CTIF: variants seen among roughly 807,000 people sequenced by gnomAD.
CTIF encodes cap binding complex dependent translation initiation factor.
CTIF carries 21 observed loss-of-function variants against 66.0 expected under a neutral mutation model. The observed-to-expected ratio is 0.32, with a 90% confidence interval of 0.23 to 0.46. The LOEUF is 0.46. Ranked by LOEUF, CTIF falls within the 20% of genes least tolerant of loss-of-function variation. The pLI is 1.00. For missense variants in CTIF, 739 were observed against 812.7 expected (o/e 0.91, Z 1.10); for synonymous variants, 345 against 326.4 (o/e 1.06, Z -0.62).
rs1555705172 is a variant in CTIF at position 48,846,497 on chromosome 18, AGATGGATGGATG to A, written c.1528-11059_1528-11048del. On this transcript the variant is annotated intron_variant, in intron 10 of 11. Transcript: ENST00000256413. ...TGGGTAGATAGATGGATGAAAGGATAGATGGATGGATGGATGGATGGATGGATGGATGGATGG... is the reference window on the plus strand; with the variant it reads ...TGGGTAGATAGATGGATGAAAGGATAGATGGATGGATGGATGGATGGATGG... Among the ~76,000 whole-genome samples the A allele has an allele frequency of 6.8e-3, 929 of 136,870 alleles. 44 individuals are homozygous for A. Among genetic ancestry groups the A allele is most frequent in the Admixed American group, 0.057 (824 of 14,366 alleles). 89.8% of individuals were successfully genotyped at this position (136,870 alleles called of 152,430 possible).
intron 3 of CTIF, among the ~76,000 whole-genome samples, chr18:48,656,862 C>A (rs768714860): frequency 6.6e-6 from 1 of 152,196 alleles, no homozygotes; most frequent in Non-Finnish European, 1.5e-5. Context: ...CAGAGGGAAG[C>A]TGTGGTTACC....
intron 4 of CTIF, 43 bp from the exon 5 acceptor site, chr18:48,664,404 G>C: frequency 6.5e-7 from 1 of 1,538,392 alleles, no homozygotes; most frequent in Admixed American, 1.7e-5. Flanking sequence ...TAACTGGGCT[G>C]TTGCCCTCTT....
chr18:48,695,685 T>C (rs2091996141), intron 6 of CTIF, among the ~76,000 whole-genome samples: 1 of 152,240 alleles, frequency 6.6e-6, no homozygotes, highest in Non-Finnish European at 1.5e-5. Context: ...TCAGAAACTT[T>C]TCACTCAGTG....
chr18:48,575,290 C>A (rs973768326), intron 1 of CTIF, among the ~76,000 whole-genome samples: 15 of 152,186 alleles, frequency 9.9e-5, no homozygotes, highest in African/African-American at 3.6e-4. Flanking sequence ...TGCTTTGCCC[C>A]CCGACAGCTG....
At chr18:48,656,051 G>C (rs561133019) in intron 3 of CTIF, among the ~76,000 whole-genome samples, 1 of 152,300 alleles carries the variant, frequency 6.6e-6, no homozygotes, top group South Asian at 2.1e-4. Context: ...CATGTGTGGA[G>C]ACCGCAGCCT....
Position 48,761,549 on chromosome 18 carries a change from G to A in CTIF, c.1231G>A (p.Gly411Ser). 6.2e-7 allele frequency: 1 copy of A among 1,614,210 alleles called. No homozygotes were observed. Among genetic ancestry groups the A allele is most frequent in the South Asian group, 1.1e-5 (1 of 91,086 alleles). ...CTCCACCAACTCCGAGGAGATGCTG[G>A]GCGAGATCGTGCGCACAATCTACCA... ...QNSTNSEEML[G>S]EIVRTIYQKA... Residue 411 changes from glycine (G) to serine (S), a missense_variant, in exon 9 of 12, where the codon GGC (glycine) becomes AGC (serine). Physicochemically the swap from Gly to Ser is moderately conservative, Grantham distance 56 (BLOSUM62 0). Around this residue, in one of 2 missense-constraint regions of CTIF, gnomAD observed 210 missense variants for 292.3 expected, o/e 0.72. Transcript: ENST00000256413. The surrounding 1 kb of genome is among the most constrained non-coding windows in gnomAD (Gnocchi z 4.2).
At chr18:48,740,349 A>G (rs924934364) in intron 7 of CTIF, among the ~76,000 whole-genome samples, 1 of 152,106 alleles carries the variant, frequency 6.6e-6, no homozygotes, top group African/African-American at 2.4e-5. Context: ...ATCGACCTCC[A>G]GAGTCCTCCA....
chr18:48,698,622 C>T (rs1358647727), intron 6 of CTIF, among the ~76,000 whole-genome samples: 1 of 152,216 alleles, frequency 6.6e-6, no homozygotes, highest in Admixed American at 6.5e-5. Context: ...ATATTAAAGA[C>T]TAAACAGAAT....
At chr18:48,626,773 A>T (rs1248467570) in intron 2 of CTIF, among the ~76,000 whole-genome samples, 1 of 150,160 alleles carries the variant, frequency 6.7e-6, no homozygotes, top group Non-Finnish European at 1.5e-5. Context: ...CTCCTGCCTC[A>T]GCCTCCCGAG....
chr18:48,853,210 G>A (rs977156438), intron 10 of CTIF, among the ~76,000 whole-genome samples: 3 of 152,144 alleles, frequency 2.0e-5, no homozygotes, highest in Non-Finnish European at 2.9e-5. Flanking sequence ...CTTCTAGAGC[G>A]GGGAGACGGG....
intron 2 of CTIF, among the ~76,000 whole-genome samples, chr18:48,633,611 A>G (rs1046725192): frequency 5.3e-5 from 8 of 152,022 alleles, no homozygotes; most frequent in Non-Finnish European, 7.4e-5. Flanking sequence ...CTGAGGCAAG[A>G]GAATCGCTTG....
At chr18:48,807,034 G>T (rs1292624360) in intron 9 of CTIF, among the ~76,000 whole-genome samples, 2 of 152,170 alleles carry the variant, frequency 1.3e-5, no homozygotes, top group African/African-American at 2.4e-5. Flanking sequence ...GCTGCTTTTG[G>T]ATACAAGAGG....
intron 9 of CTIF, among the ~76,000 whole-genome samples, chr18:48,809,835 T>C (rs1255304069): frequency 6.6e-6 from 1 of 151,960 alleles, no homozygotes; most frequent in African/African-American, 2.4e-5. Context: ...GAGTTATAAA[T>C]AATTTTATTA....
chr18:48,699,318 C>G (rs1485622337), intron 6 of CTIF, among the ~76,000 whole-genome samples: 1 of 150,662 alleles, frequency 6.6e-6, no homozygotes, highest in Admixed American at 6.7e-5. Context: ...CTCCTTGCAG[C>G]TTCCCCTCTT....
intron 10 of CTIF, among the ~76,000 whole-genome samples, chr18:48,841,712 C>A (rs2068947052): frequency 6.6e-6 from 1 of 152,090 alleles, no homozygotes; most frequent in Non-Finnish European, 1.5e-5. Context: ...CCTCTCCCAC[C>A]AGCCCGGTGC....
intron 9 of CTIF, among the ~76,000 whole-genome samples, chr18:48,785,891 C>A (rs186538589): frequency 6.6e-6 from 1 of 152,246 alleles, no homozygotes; most frequent in Admixed American, 6.5e-5. Context: ...CCGAGTGAGC[C>A]CAACATGCAG....
At chr18:48,562,771 G>C (rs2089191928) in intron 1 of CTIF, among the ~76,000 whole-genome samples, 1 of 152,192 alleles carries the variant, frequency 6.6e-6, no homozygotes, top group South Asian at 2.1e-4. Flanking sequence ...ATAAAAATGA[G>C]TGCTAGAGAC....
intron 1 of CTIF, among the ~76,000 whole-genome samples, chr18:48,571,225 T>A (rs1963097): frequency 0.7 from 107,019 of 151,992 alleles, 39,096 homozygotes; most frequent in East Asian, 0.93. Context: ...GGTATGATAC[T>A]GGCTCACTGC....
intron 9 of CTIF, among the ~76,000 whole-genome samples, chr18:48,788,152 G>A (rs1256109588): frequency 6.6e-6 from 1 of 152,104 alleles, no homozygotes; most frequent in Non-Finnish European, 1.5e-5. Context: ...CCTTTAGGCT[G>A]GGGGGAGAAG....
Sources: allele counts gnomAD v4.1 joint callset (sites outside exome capture counted in the v4.1 genomes callset), GRCh38; gene constraint gnomAD v4.1.1; regional missense constraint gnomAD v4.1.1; non-coding constraint Gnocchi (gnomAD v3.1); transcripts MANE v1.5; gene names NCBI Gene and HGNC (gene_info 2026-07-23, HGNC 2026-07-21).